The following MAN2B1 variants were observed in gnomAD, a reference collection of about 807,000 sequenced individuals.
The protein encoded by MAN2B1 is lysosomal alpha-mannosidase.
In MAN2B1, 99 loss-of-function variants were observed where a neutral mutation model predicts 127.5. That is an observed-to-expected ratio of 0.78 (90% CI 0.66 to 0.92). The LOEUF is 0.92. Ranked by LOEUF, MAN2B1 falls within the 40% of genes least tolerant of loss-of-function variation. MAN2B1 has a pLI of 0.00. For synonymous variants in MAN2B1, 573 were observed against 568.8 expected, an observed-to-expected ratio of 1.01 and a Z score of -0.11; for missense variants, 1,304 against 1,384.8, an observed-to-expected ratio of 0.94 and a Z score of 0.93.
chr19:12,647,629 G>A lies in MAN2B1; in HGVS notation c.2665-31C>T, dbSNP rs372294720. 2.7e-4 allele frequency: 423 copies of A among 1,594,070 alleles called. 2 individuals are homozygous for A. In the African/African-American group the frequency reaches 5.2e-3, roughly 20 times the overall value. ...GGAGAGAGGGCGGGGCTGAGTTGGA[G>A]AGGGGCGGGGCCTGGATGGAGAAGG... is the stretch of plus-strand genomic sequence containing the variant. On this transcript the variant is annotated intron_variant, in intron 21 of 23. Coordinates refer to ENST00000456935, the MANE Select transcript of MAN2B1 (RefSeq NM_000528.4). This position sits in a 1 kb window ranked among gnomAD's most constrained non-coding sequence, Gnocchi z 4.9.
At position 12,647,368 on chromosome 19, in the gene MAN2B1, G is replaced by T; in HGVS notation, c.2821-33C>A. ...GAAGGGGATGGGCCCAGATGAGTTG[G>T]GGCAAAGCCAGGTTTCTCTTCTCTC... is the stretch of plus-strand genomic sequence containing the variant. On this transcript the variant is annotated intron_variant, in intron 22 of 23. Coordinates refer to ENST00000456935, the MANE Select transcript of MAN2B1 (RefSeq NM_000528.4). This position sits in a 1 kb window ranked among gnomAD's most constrained non-coding sequence, Gnocchi z 4.9. 6.2e-7 allele frequency: 1 copy of T among 1,611,852 alleles called. No homozygotes were observed. The highest frequency in any genetic ancestry group is 8.5e-7 in the Non-Finnish European group (1 of 1,177,966).
intron 20 of MAN2B1, 36 bp from the exon 21 acceptor site, chr19:12,648,438 T>A (rs781026700): frequency 1.3e-6 from 2 of 1,507,500 alleles, no homozygotes; most frequent in Admixed American, 3.4e-5. Flanking sequence ...GTGAGAGTCG[T>A]GGGTTTGTGG....
intron 7 of MAN2B1, among the ~76,000 whole-genome samples, chr19:12,660,719 A>G (rs2024081695): frequency 6.7e-6 from 1 of 150,154 alleles, no homozygotes; most frequent in South Asian, 2.1e-4. Flanking sequence ...CCTTGCCAAC[A>G]CCTTGATTAT....
rs2145221050 is a variant in MAN2B1, at chr19:12,647,430, T to C, written c.2820+13A>G. The C allele has an allele frequency of 6.2e-7, 1 of 1,614,056 alleles. No homozygotes were observed. Among genetic ancestry groups the C allele is most frequent in the Non-Finnish European group, 8.5e-7 (1 of 1,179,906 alleles). On this transcript the variant is annotated intron_variant, in intron 22 of 23. Transcript: ENST00000456935. This position sits in a 1 kb window ranked among gnomAD's most constrained non-coding sequence, Gnocchi z 4.9. ...CCTCTCTCCGATCTCCTTCTCAATT[T>C]TGCCCTTCTCACCCTCAAGTTCAAG...
chr19:12,653,232 C>T (rs1225557239), intron 14 of MAN2B1, among the ~76,000 whole-genome samples: 4 of 150,832 alleles, frequency 2.7e-5, no homozygotes, highest in Non-Finnish European at 4.4e-5. Flanking sequence ...CTGCAACCTC[C>T]GCCTCCCGGG....
chr19:12,656,448 G>A lies in MAN2B1; in HGVS notation c.1644+123C>T, dbSNP rs938335044. ...AGGGGCAGAGGGAGAAGATACAAGA[G>A]GGGGGAAGAGATATGCATGAGTGGG... On this transcript the variant is annotated intron_variant, in intron 13 of 23. Transcript: ENST00000456935. 3.8e-5 allele frequency: 28 copies of A among 732,596 alleles called. 1 individual carries two copies. The highest frequency in any genetic ancestry group is 6.5e-5 in the Non-Finnish European group (26 of 402,858). 45.4% of individuals were successfully genotyped at this position (732,596 alleles called of 1,614,324 possible). A position where few individuals can be genotyped will look rare whatever the true frequency, so the allele number is the denominator to read the frequency against.
chr19:12,665,285 A>C, intron 3 of MAN2B1, 67 bp downstream of exon 3: 1 of 1,573,422 alleles, frequency 6.4e-7, no homozygotes, highest in Non-Finnish European at 8.6e-7. Flanking sequence ...CAAATCTCAG[A>C]AACCAGAGAT....
At position 12,656,261 on chromosome 19, in the gene MAN2B1, G is replaced by C. The variant is rs1447404876; in HGVS notation, c.1644+310C>G. 5 of 456,674 alleles carry C rather than the reference G, an allele frequency of 1.1e-5. No individual in the cohort carries two copies. The East Asian group carries it at 1.6e-4, about 15-fold the overall frequency. The allele number at this position is 456,674 out of a possible 1,614,324, so 28.3% of individuals were successfully genotyped here. ...TTAAAATGGAGGACCAGCCAGGCAC[G>C]GTGGCTCATGCCTATAATCCAGCAG... On this transcript the variant is annotated intron_variant, in intron 13 of 23. Coordinates refer to ENST00000456935, the MANE Select transcript of MAN2B1 (RefSeq NM_000528.4).
At chr19:12,666,497 G>T in intron 1 of MAN2B1, 46 bp downstream of exon 1, 1 of 1,555,418 alleles carries the variant, frequency 6.4e-7, no homozygotes, top group South Asian at 1.2e-5. Context: ...TGTATTCTGG[G>T]TTTCACTCTG....
intron 14 of MAN2B1, among the ~76,000 whole-genome samples, chr19:12,653,685 A>G (rs2023894271): frequency 6.6e-6 from 1 of 152,048 alleles, no homozygotes; most frequent in Non-Finnish European, 1.5e-5. Flanking sequence ...CCTGGGCTCA[A>G]GCAGTCCACC....
chr19:12,649,865 C>T (rs373539727), intron 18 of MAN2B1, 48 bp downstream of exon 18: 3 of 1,478,726 alleles, frequency 2.0e-6, no homozygotes. Flanking sequence ...ACCCCTGGGC[C>T]CCAACACACC....
chr19:12,652,981 A>G (rs2023876614), intron 14 of MAN2B1, among the ~76,000 whole-genome samples: 1 of 151,086 alleles, frequency 6.6e-6, no homozygotes, highest in Non-Finnish European at 1.5e-5. Flanking sequence ...TTACAGGCAC[A>G]TGCCACCATG....
chr19:12,663,870 G>A (rs370487146), intron 4 of MAN2B1, 35 bp from the exon 5 acceptor site: 2 of 1,613,670 alleles, frequency 1.2e-6, no homozygotes, highest in Non-Finnish European at 1.7e-6. Flanking sequence ...GTGTGAATTA[G>A]TGCCCAGCCC....
At chr19:12,653,395 C>T (rs972255888) in intron 14 of MAN2B1, among the ~76,000 whole-genome samples, 5 of 151,824 alleles carry the variant, frequency 3.3e-5, no homozygotes, top group Non-Finnish European at 5.9e-5. Context: ...TCCACCCCCC[C>T]CTCAGCCTCC....
Position 12,646,721 on chromosome 19 carries a change from G to A in MAN2B1, c.2935C>T (p.His979Tyr). The change falls in exon 24 of 24, where the codon CAC becomes TAC. Residue 979 changes from histidine to tyrosine, a missense_variant. Transcript: ENST00000456935. ...GGGTCCAGCTGGTACGGAGTTTGGT[G>A]GGGTGTGGGGCCTGGAGAGGTGCAG... The part of the protein sequence containing the change: ...KWTTNTGPTP[H>Y]QTPYQLDPAN... The A allele has an allele frequency of 6.2e-7, 1 of 1,613,428 alleles. No homozygotes were observed. The highest frequency in any genetic ancestry group is 1.1e-5 in the South Asian group (1 of 91,060).
rs1382182354 is a variant in MAN2B1, at chr19:12,658,525, G to A, written c.1027-15C>T. 20 of 1,613,122 alleles carry A rather than the reference G, an allele frequency of 1.2e-5. No homozygotes were observed. The highest frequency in any genetic ancestry group is 1.5e-5 in the Non-Finnish European group (18 of 1,179,426). On this transcript the variant is annotated splice_polypyrimidine_tract_variant and intron_variant, in intron 7 of 23. Coordinates refer to ENST00000456935, the MANE Select transcript of MAN2B1 (RefSeq NM_000528.4). ...CCTTTTGCCTGCTGCTGGGGGAGGC[G>A]ACGGAGTGAGCCCTCGGGAGTCCGC... is the stretch of plus-strand genomic sequence containing the variant.
chr19:12,657,346 C>G, intron 11 of MAN2B1, 100 bp downstream of exon 11: 3 of 1,143,852 alleles, frequency 2.6e-6, no homozygotes, highest in Admixed American at 2.0e-5. Context: ...CCACAGGGCT[C>G]TCGGCTACGC....
In MAN2B1 at chr19:12,657,090, G is replaced by A. The variant is rs1444632936; in HGVS notation, c.1420-34C>T. 3 of 1,328,486 alleles carry A rather than the reference G, an allele frequency of 2.3e-6. No homozygotes were observed. The African/African-American group carries it at 4.3e-5, about 19-fold the overall frequency. 82.3% of individuals were successfully genotyped at this position (1,328,486 alleles called of 1,614,324 possible). ...GAGCGCAAAGGGACCGGTGGGTTCA[G>A]GACGCCAGGCCTGACTCCTCCCCTC... On this transcript the variant is annotated intron_variant, in intron 11 of 23. Transcript: ENST00000456935.
At position 12,663,371 on chromosome 19, in the gene MAN2B1, G is replaced by A. The variant is rs139218045; in HGVS notation, c.855C>T (p.Pro285=). The A allele has an allele frequency of 9.3e-6, 15 of 1,613,944 alleles. No homozygotes were observed. Among genetic ancestry groups the A allele is most frequent in the East Asian group, 4.5e-5 (2 of 44,900 alleles). ...DQPLVEDPRS[P]EYNAKELVDY... ...CGACCAGCTCCTTGGCGTTGTACTCGGGGCTGCGAGGGTCCTCCACCAGCG... is the reference window on the plus strand; with the variant it reads ...CGACCAGCTCCTTGGCGTTGTACTCAGGGCTGCGAGGGTCCTCCACCAGCG... Residue 285 remains proline, a synonymous_variant, in exon 6 of 24, where the codon CCC becomes CCT. Transcript: ENST00000456935.
Sources: allele counts gnomAD v4.1 joint callset (sites outside exome capture counted in the v4.1 genomes callset), GRCh38; gene constraint gnomAD v4.1.1; non-coding constraint Gnocchi (gnomAD v3.1); transcripts MANE v1.5; gene names NCBI Gene and HGNC (gene_info 2026-07-23, HGNC 2026-07-21).